KYAT3: variants seen among roughly 807,000 people sequenced by gnomAD.
KYAT3 encodes kynurenine aminotransferase 3.
KYAT3 carries 50 observed loss-of-function variants against 59.0 expected under a neutral mutation model. That is an observed-to-expected ratio of 0.85 (90% CI 0.68 to 1.07). The LOEUF (loss-of-function observed/expected upper bound fraction) is 1.07. KYAT3 is among the 50% of genes least tolerant of loss of function. The pLI is 0.00. For synonymous variants in KYAT3, 148 were observed against 177.0 expected, an observed-to-expected ratio of 0.84 and a Z score of 1.30; for missense variants, 497 against 533.3, an observed-to-expected ratio of 0.93 and a Z score of 0.67.
rs1185960387 is a variant in KYAT3, at chr1:88,964,373, C to T, written c.453+456G>A. Among the ~76,000 whole-genome samples the T allele has an allele frequency of 4.6e-5, 7 of 152,146 alleles. No individual in the cohort carries two copies. The East Asian group carries it at 1.4e-3, about 29-fold the overall frequency. ...GGCAGTGTTAGTCCCTTCCATCTGC[C>T]CTTATTTAAATAGGCTATAAAAATA... is the stretch of plus-strand genomic sequence containing the variant. On this transcript the variant is annotated intron_variant, in intron 5 of 13. Transcript: ENST00000260508.
intron 2 of KYAT3, among the ~76,000 whole-genome samples, chr1:88,971,939 T>G (rs1347122566): frequency 6.6e-6 from 1 of 152,236 alleles, no homozygotes; most frequent in Non-Finnish European, 1.5e-5. Context: ...TGACCAATTT[T>G]ACCATAGGCT....
At position 88,942,246 on chromosome 1, in the gene KYAT3, T is replaced by TAA. The variant is rs1274602758; in HGVS notation, c.1302+758_1302+759insTT. 9.8e-3 allele frequency among the ~76,000 whole-genome samples: 1,489 copies of TAA among 152,258 alleles called. 27 individuals carry two copies. The highest frequency in any genetic ancestry group is 0.034 in the African/African-American group (1,414 of 41,556). On this transcript the variant is annotated intron_variant, in intron 13 of 13. Transcript: ENST00000260508. Reference sequence around the variant, plus strand: ...TAGCAGATATTAGACTTTTAAGTTCTTGAATCTCCATTTGGTTCTTTTTTT... The same window carrying TAA: ...TAGCAGATATTAGACTTTTAAGTTCTAATGAATCTCCATTTGGTTCTTTTTTT...
intron 1 of KYAT3, 24 bp downstream of exon 1, chr1:88,992,561 G>C (rs1036367834): frequency 4.6e-5 from 7 of 152,630 alleles, no homozygotes; most frequent in African/African-American, 1.7e-4. Flanking sequence ...GCGCCGCGCC[G>C]CGCCGCGCGC....
At chr1:88,931,431 G>A (rs1557675159), downstream of KYAT3, among the ~76,000 whole-genome samples, 2 of 152,286 alleles carry the variant, frequency 1.3e-5, no homozygotes, top group East Asian at 3.9e-4. Context: ...ATGCTCCAAT[G>A]TTAATGACAT....
rs769686471 is a variant in KYAT3, at chr1:88,982,862, C to T, written c.99+5390G>A. ...GCTGCTTGAGTAACTGTCTCGACTT[C>T]CACCATATCCATCACGTGAGCTGCT... On this transcript the variant is annotated intron_variant, in intron 2 of 13. Coordinates refer to ENST00000260508, the MANE Select transcript of KYAT3 (RefSeq NM_001008661.3). 9.9e-6 allele frequency: 16 copies of T among 1,613,870 alleles called. No homozygotes were observed. Among genetic ancestry groups the T allele is most frequent in the African/African-American group, 4.0e-5 (3 of 74,918 alleles).
At chr1:88,922,213 C>T in the KYAT3 span, among the ~76,000 whole-genome samples, 1 of 152,040 alleles carries the variant, frequency 6.6e-6, no homozygotes, top group Non-Finnish European at 1.5e-5. Flanking sequence ...GAATGAGGCC[C>T]CCTCTCTCTC....
intron 2 of KYAT3, among the ~76,000 whole-genome samples, chr1:88,975,263 G>A (rs891366113): frequency 8.5e-5 from 13 of 152,180 alleles, no homozygotes; most frequent in African/African-American, 3.1e-4. Context: ...AGAACCCACA[G>A]GAAGGAATAA....
chr1:88,982,605 T>A (rs1677150348), intron 2 of KYAT3: 3 of 1,541,344 alleles, frequency 1.9e-6, no homozygotes, highest in Non-Finnish European at 2.6e-6. Flanking sequence ...TTTCCACTCT[T>A]TTTTTTGTTT....
intron 2 of KYAT3, among the ~76,000 whole-genome samples, chr1:88,976,575 C>A (rs1252226011): frequency 6.6e-6 from 1 of 152,040 alleles, no homozygotes; most frequent in African/African-American, 2.4e-5. Context: ...TATACCATAC[C>A]TTTTATTGTT....
intron 5 of KYAT3, 174 bp downstream of exon 5, chr1:88,964,655 C>T (rs1447439380): frequency 1.6e-6 from 1 of 606,102 alleles, no homozygotes; most frequent in Non-Finnish European, 3.0e-6. Context: ...GAAATTTACA[C>T]AGTAATTTAT....
At chr1:88,961,061 C>G (rs1377060714) in intron 8 of KYAT3, 106 bp downstream of exon 8, 3 of 1,049,004 alleles carry the variant, frequency 2.9e-6, no homozygotes, top group African/African-American at 3.1e-5. Context: ...CAGACAGATA[C>G]CCATTACAAA....
chr1:88,960,777 C>T (rs1676108413), intron 8 of KYAT3, among the ~76,000 whole-genome samples: 1 of 152,132 alleles, frequency 6.6e-6, no homozygotes. Flanking sequence ...ACCTGACTAC[C>T]CCTGTAATTT....
At chr1:88,977,678 A>G (rs12064259) in intron 2 of KYAT3, among the ~76,000 whole-genome samples, 6 of 152,200 alleles carry the variant, frequency 3.9e-5, no homozygotes, top group Non-Finnish European at 7.3e-5. Flanking sequence ...ATAAGTATAC[A>G]ATGTTCATAA....
chr1:88,956,279 G>A (rs1318101526), intron 8 of KYAT3, among the ~76,000 whole-genome samples: 1 of 152,132 alleles, frequency 6.6e-6, no homozygotes, highest in Non-Finnish European at 1.5e-5. Context: ...AATGTGTGTA[G>A]GGTGACTCAA....
At chr1:88,961,635 C>CA (rs1266630967) in intron 6 of KYAT3, 129 bp from the exon 7 acceptor site, 1 of 769,018 alleles carries the variant, frequency 1.3e-6, no homozygotes, top group East Asian at 2.7e-5. Flanking sequence ...AAATTACCAA[C>CA]AAATGCTTTC....
intron 2 of KYAT3, among the ~76,000 whole-genome samples, chr1:88,970,057 T>C (rs1301613029): frequency 2.6e-5 from 4 of 152,210 alleles, no homozygotes; most frequent in African/African-American, 4.8e-5. Flanking sequence ...TTAAGGCTTG[T>C]AATGTAGTAA....
intron 2 of KYAT3, chr1:88,982,847 T>C: frequency 6.2e-7 from 1 of 1,613,972 alleles, no homozygotes; most frequent in Non-Finnish European, 8.5e-7. Flanking sequence ...GCTGCTTGAG[T>C]AACTGTCTCG....
chr1:88,950,569 AG>A (rs1214638429), intron 10 of KYAT3, among the ~76,000 whole-genome samples: 1 of 152,108 alleles, frequency 6.6e-6, no homozygotes, highest in Non-Finnish European at 1.5e-5. Context: ...TCCAAGTATA[AG>A]GAGACATAAA....
chr1:88,928,647 G>T, the KYAT3 span, among the ~76,000 whole-genome samples: 13 of 152,166 alleles, frequency 8.5e-5, no homozygotes, highest in Non-Finnish European at 1.6e-4. Context: ...TGATCCAGCA[G>T]CAGGACTGAG....
Sources: gnomAD v4.1 joint callset for allele counts (sites outside exome capture counted in the v4.1 genomes callset) on GRCh38, gnomAD v4.1.1 for gene constraint, MANE v1.5 for transcripts, NCBI Gene and HGNC (gene_info 2026-07-23, HGNC 2026-07-21) for gene names.